The following DOCK2 variants were observed in gnomAD, a reference collection of about 807,000 sequenced individuals.
The protein encoded by DOCK2 is dedicator of cytokinesis 2.
DOCK2 carries 87 observed loss-of-function variants against 248.9 expected under a neutral mutation model. The observed-to-expected ratio is 0.35, with a 90% CI of 0.29 to 0.42. The LOEUF (loss-of-function observed/expected upper bound fraction) is 0.42, where lower values mean the gene tolerates loss of function less well. Among genes scored for constraint, DOCK2 ranks in the 10% least tolerant of loss-of-function variants. The pLI is 1.00. For missense variants in DOCK2, 1,747 were observed against 2,300.2 expected (o/e 0.76, Z 4.92); for synonymous variants, 805 against 821.6 (o/e 0.98, Z 0.35).
chr5:169,655,670 T>G (rs762613859), intron 2 of DOCK2, among the ~76,000 whole-genome samples: 36 of 152,090 alleles, frequency 2.4e-4, no homozygotes, highest in Non-Finnish European at 4.7e-4. Context: ...ACAAGGATGC[T>G]TGTGTAAACA....
In DOCK2 at chr5:169,840,813, C is replaced by G. The variant is rs766269213; in HGVS notation, c.2760C>G (p.Asn920Lys). 2 of 1,613,986 alleles carry G rather than the reference C, an allele frequency of 1.2e-6. No individual in the cohort carries two copies. Among genetic ancestry groups the G allele is most frequent in the East Asian group, 4.5e-5 (2 of 44,854 alleles). The change falls in exon 27 of 52, where the codon AAC (asparagine) becomes AAG (lysine). Residue 920 changes from asparagine (N) to lysine (K), a missense_variant. Physicochemically the swap from Asn to Lys is moderately conservative, Grantham distance 94. Around this residue, in one of 4 missense-constraint regions of DOCK2, gnomAD observed 858 missense variants for 1,183.5 expected, o/e 0.72. Transcript: ENST00000520908. Reference sequence around the variant, plus strand: ...TGGTCCAGCTGCTGCGGACAGTGAACCGGACAGTCATCACCATGGGCCGGG... The same window carrying G: ...TGGTCCAGCTGCTGCGGACAGTGAAGCGGACAGTCATCACCATGGGCCGGG... ...EIMVQLLRTVNRTVITMGRDH... is the reference protein window; with the variant it reads ...EIMVQLLRTVKRTVITMGRDH...
intron 27 of DOCK2, chr5:169,883,738 A>C: frequency 6.4e-7 from 1 of 1,551,446 alleles, no homozygotes; most frequent in Non-Finnish European, 8.7e-7. Context: ...TTGGACGTCA[A>C]CCTCAGCTAG....
At chr5:170,024,967 A>G (rs1348405807) in intron 33 of DOCK2, among the ~76,000 whole-genome samples, 1 of 152,224 alleles carries the variant, frequency 6.6e-6, no homozygotes, top group African/African-American at 2.4e-5. Flanking sequence ...CTGTGCTCCA[A>G]AGAAAAGTTC....
chr5:169,949,142 C>T (rs1015769211), intron 27 of DOCK2, among the ~76,000 whole-genome samples: 5 of 152,164 alleles, frequency 3.3e-5, no homozygotes, highest in African/African-American at 1.2e-4. Context: ...TTTGAATATT[C>T]ATGCAAAAGT....
At chr5:169,766,079 C>G (rs1358770357) in intron 25 of DOCK2, among the ~76,000 whole-genome samples, 1 of 151,960 alleles carries the variant, frequency 6.6e-6, no homozygotes, top group African/African-American at 2.4e-5. Flanking sequence ...TTCTTTTCAA[C>G]TTTTATTTCA....
chr5:170,057,712 C>T (rs1391448994), intron 44 of DOCK2, 46 bp downstream of exon 44: 2 of 1,518,580 alleles, frequency 1.3e-6, no homozygotes, highest in Non-Finnish European at 1.8e-6. Flanking sequence ...CTCCGATGGG[C>T]AGGGCACAGC....
intron 2 of DOCK2, among the ~76,000 whole-genome samples, chr5:169,659,043 G>A (rs2113213241): frequency 1.4e-5 from 2 of 145,692 alleles, no homozygotes; most frequent in African/African-American, 2.5e-5. Context: ...TTGAGATGGG[G>A]GTTTCTCTTT....
At chr5:170,027,743 C>A in intron 33 of DOCK2, 120 bp from the exon 34 acceptor site, 1 of 900,784 alleles carries the variant, frequency 1.1e-6, no homozygotes, top group Non-Finnish European at 1.7e-6. Flanking sequence ...TCCCAGATCC[C>A]AGCACTCAAC....
At chr5:169,687,190 A>G (rs1760034012) in intron 8 of DOCK2, among the ~76,000 whole-genome samples, 1 of 152,230 alleles carries the variant, frequency 6.6e-6, no homozygotes, top group Non-Finnish European at 1.5e-5. Flanking sequence ...TTCACTAACA[A>G]CAGTACAGAA....
At chr5:169,919,582 G>A (rs1455504347) in intron 27 of DOCK2, among the ~76,000 whole-genome samples, 9 of 152,172 alleles carry the variant, frequency 5.9e-5, no homozygotes, top group Non-Finnish European at 1.0e-4. Flanking sequence ...GATCATTAAT[G>A]GTTTGAAGAA....
chr5:170,076,328 G>T (rs901228378), intron 47 of DOCK2, among the ~76,000 whole-genome samples: 3 of 152,234 alleles, frequency 2.0e-5, no homozygotes, highest in African/African-American at 7.2e-5. Context: ...TCAAGGGACT[G>T]TGTAATAATA....
chr5:170,058,331 G>C (rs1324435768), intron 44 of DOCK2, among the ~76,000 whole-genome samples: 1 of 152,110 alleles, frequency 6.6e-6, no homozygotes, highest in African/African-American at 2.4e-5. Context: ...TAACATGTTA[G>C]GCACTGTTGT....
At chr5:170,052,180 C>A (rs1353261939) in intron 41 of DOCK2, among the ~76,000 whole-genome samples, 1 of 152,220 alleles carries the variant, frequency 6.6e-6, no homozygotes, top group Non-Finnish European at 1.5e-5. Flanking sequence ...ATATTCTTCT[C>A]TCCGGTGGTA....
intron 26 of DOCK2, among the ~76,000 whole-genome samples, chr5:169,819,706 C>T (rs1362079669): frequency 3.3e-5 from 5 of 152,198 alleles, no homozygotes; most frequent in Non-Finnish European, 5.9e-5. Flanking sequence ...ACACAGAAGA[C>T]GGGTGATTTC....
At chr5:170,074,893 A>G (rs543236069) in intron 46 of DOCK2, among the ~76,000 whole-genome samples, 1 of 152,148 alleles carries the variant, frequency 6.6e-6, no homozygotes, top group Non-Finnish European at 1.5e-5. Flanking sequence ...GGTGCCTCCA[A>G]TCTCTGAGGC....
chr5:169,859,807 GTC>G (rs1771081036), intron 27 of DOCK2, among the ~76,000 whole-genome samples: 1 of 152,122 alleles, frequency 6.6e-6, no homozygotes, highest in Non-Finnish European at 1.5e-5. Context: ...GGCTCTTAAA[GTC>G]TCTTTTACCT....
At chr5:170,037,850 T>G (rs75300193) in intron 36 of DOCK2, among the ~76,000 whole-genome samples, 230 of 152,232 alleles carry the variant, frequency 1.5e-3, no homozygotes, top group African/African-American at 5.1e-3. Context: ...GCCCTTGAGG[T>G]AGAGTCAACC....
intron 9 of DOCK2, among the ~76,000 whole-genome samples, chr5:169,692,089 C>T (rs1218381856): frequency 3.9e-5 from 6 of 152,026 alleles, no homozygotes; most frequent in Non-Finnish European, 7.4e-5. Context: ...CTCCTGACCT[C>T]GTGATCCACC....
intron 44 of DOCK2, among the ~76,000 whole-genome samples, chr5:170,061,590 G>A (rs1351979336): frequency 6.6e-6 from 1 of 152,156 alleles, no homozygotes; most frequent in Non-Finnish European, 1.5e-5. Flanking sequence ...CCCCTGTAAT[G>A]ACCTGAAAGT....
Sources: allele counts gnomAD v4.1 joint callset (sites outside exome capture counted in the v4.1 genomes callset), GRCh38; gene constraint gnomAD v4.1.1; regional missense constraint gnomAD v4.1.1; transcripts MANE v1.5; gene names NCBI Gene and HGNC (gene_info 2026-07-23, HGNC 2026-07-21).